Variants in RGSL1 observed in about 807,000 individuals in gnomAD.
RGSL1 encodes the protein regulator of G protein signaling like 1.
In RGSL1, 97 loss-of-function variants were observed where a neutral mutation model predicts 124.7. The observed-to-expected ratio is 0.78, with a 90% CI of 0.66 to 0.92. The LOEUF is 0.92. Among genes scored for constraint, RGSL1 ranks in the 40% least tolerant of loss-of-function variants. RGSL1 has a pLI of 0.00. For missense variants in RGSL1, 1,233 were observed against 1,288.4 expected (o/e 0.96, Z 0.66); for synonymous variants, 424 against 438.1 (o/e 0.97, Z 0.40).
At chr1:182,454,772 C>T (rs1374271194) in intron 2 of RGSL1, among the ~76,000 whole-genome samples, 2 of 152,170 alleles carry the variant, frequency 1.3e-5, no homozygotes, top group East Asian at 3.8e-4. Flanking sequence ...ATCTATGCAA[C>T]TAAAACAAAC....
At chr1:182,516,084 C>A (rs976883624) in intron 9 of RGSL1, among the ~76,000 whole-genome samples, 1 of 152,186 alleles carries the variant, frequency 6.6e-6, no homozygotes. Flanking sequence ...CTTCCAGCAA[C>A]AAATAATGCC....
intron 6 of RGSL1, among the ~76,000 whole-genome samples, chr1:182,474,974 T>A (rs1015176307): frequency 6.6e-6 from 1 of 152,150 alleles, no homozygotes; most frequent in African/African-American, 2.4e-5. Context: ...GAAAAAACTG[T>A]CATCCACAAA....
Position 182,554,656 on chromosome 1 carries a change from C to T in RGSL1, c.3160C>T (p.Leu1054Phe). 6.4e-7 allele frequency: 1 copy of T among 1,551,732 alleles called. No individual in the cohort carries two copies. The highest frequency in any genetic ancestry group is 8.7e-7 in the Non-Finnish European group (1 of 1,147,012). ...ATCAAGCAAACTTACTCAGCCAAGA[C>T]TCGTGGTATCTGCCATGCAGCTGCA... Reference protein sequence around the residue: ...SSSSKLTQPRLVVSAMQLHPV... With the variant: ...SSSSKLTQPRFVVSAMQLHPV... The change falls in exon 20 of 22, where the codon CTC becomes TTC. Residue 1054 changes from leucine (L) to phenylalanine (F), a missense_variant. Physicochemically the swap from Leu to Phe is conservative, Grantham distance 22. Coordinates refer to ENST00000294854, the MANE Select transcript of RGSL1 (RefSeq NM_001137669.2).
rs1174622432 is a variant in RGSL1, at chr1:182,493,089, T to C, written c.1785T>C (p.Ser595=). Residue 595 remains serine, a synonymous_variant, in exon 9 of 22, where the codon AGT becomes AGC. Transcript: ENST00000294854. The part of the protein sequence containing the change: ...KNPKMAIQKI[S]DDYKIYCEKA... The stretch of plus-strand genomic sequence containing the variant: ...CAAAGATGGCCATACAGAAGATCAG[T>C]GATGACTACAAAATATACTGTGAGA... The C allele has an allele frequency of 6.4e-7, 1 of 1,551,686 alleles. No homozygotes were observed. The highest frequency in any genetic ancestry group is 2.4e-5 in the East Asian group (1 of 40,906).
Position 182,554,627 on chromosome 1 carries a change from C to T in RGSL1, c.3131C>T (p.Ser1044Phe), listed in dbSNP as rs369986568. ...QREAISSVQN[S>F]SSSKLTQPRL... Reference sequence around the variant, plus strand: ...AATTTTTCTCTGTATTTCTCTTTAGCTTCATCAAGCAAACTTACTCAGCCA... The same window carrying T: ...AATTTTTCTCTGTATTTCTCTTTAGTTTCATCAAGCAAACTTACTCAGCCA... Residue 1044 changes from serine to phenylalanine, a missense_variant and splice_region_variant, in exon 20 of 22, where the codon TCT (serine) becomes TTT (phenylalanine). Coordinates refer to ENST00000294854, the MANE Select transcript of RGSL1 (RefSeq NM_001137669.2). 36 of 1,551,536 alleles carry T rather than the reference C, an allele frequency of 2.3e-5. 1 individual carries two copies. In the East Asian group the frequency reaches 3.2e-4, roughly 14 times the overall value.
intron 17 of RGSL1, chr1:182,549,929 G>A (rs1398889147): frequency 6.6e-6 from 1 of 152,144 alleles, no homozygotes; most frequent in Non-Finnish European, 1.5e-5. Context: ...GAGGGATTGG[G>A]AACCTCTGGG....
intron 10 of RGSL1, among the ~76,000 whole-genome samples, chr1:182,522,382 G>GAGTGTAGTATAACTTC (rs1199477631): frequency 1.3e-5 from 2 of 152,156 alleles, no homozygotes; most frequent in African/African-American, 4.8e-5. Flanking sequence ...CTCCTTCCAT[G>GAGTGTAGTATAACTTC]AGTGTAGTAT....
chr1:182,550,298 G>A (rs566672504), intron 17 of RGSL1: 5 of 152,224 alleles, frequency 3.3e-5, no homozygotes, highest in African/African-American at 1.2e-4. Context: ...TAATGCATGT[G>A]CGGCATACTG....
At chr1:182,547,223 G>A (rs1209753521) in intron 15 of RGSL1, among the ~76,000 whole-genome samples, 3 of 152,212 alleles carry the variant, frequency 2.0e-5, no homozygotes, top group Non-Finnish European at 4.4e-5. Context: ...AAGTTAGGAA[G>A]TGTCTCAGGA....
intron 9 of RGSL1, among the ~76,000 whole-genome samples, chr1:182,493,935 G>A (rs1174228920): frequency 6.6e-6 from 1 of 152,186 alleles, no homozygotes; most frequent in Non-Finnish European, 1.5e-5. Flanking sequence ...TTCTTGTCCT[G>A]GGAAACGTAT....
At chr1:182,552,687 A>G (rs1258079942) in intron 18 of RGSL1, among the ~76,000 whole-genome samples, 3 of 152,210 alleles carry the variant, frequency 2.0e-5, no homozygotes, top group Non-Finnish European at 4.4e-5. Context: ...AAAGGAATGT[A>G]TTTGGCTCAT....
intron 4 of RGSL1, among the ~76,000 whole-genome samples, chr1:182,469,162 T>C (rs1347398875): frequency 4.6e-5 from 7 of 151,968 alleles, no homozygotes; most frequent in Non-Finnish European, 1.0e-4. Context: ...CAACAAAGAA[T>C]TGGGCTTCAT....
intron 9 of RGSL1, among the ~76,000 whole-genome samples, chr1:182,493,434 GT>G (rs1212666629): frequency 6.6e-6 from 1 of 152,162 alleles, no homozygotes; most frequent in Non-Finnish European, 1.5e-5. Flanking sequence ...CTTCTGTCAA[GT>G]TACCTGGAGG....
At chr1:182,457,148 A>AAAC (rs112789651) in intron 2 of RGSL1, among the ~76,000 whole-genome samples, 17 of 151,568 alleles carry the variant, frequency 1.1e-4, no homozygotes, top group African/African-American at 3.9e-4. Context: ...CTCCATCTCA[A>AAAC]AAACAAACAA....
At chr1:182,533,579 T>C (rs2102278383) in intron 14 of RGSL1, among the ~76,000 whole-genome samples, 1 of 152,306 alleles carries the variant, frequency 6.6e-6, no homozygotes, top group Middle Eastern at 3.4e-3. Flanking sequence ...GCCACAGATG[T>C]TGGAGCCGGA....
At chr1:182,499,235 G>C (rs1656171151) in intron 9 of RGSL1, among the ~76,000 whole-genome samples, 1 of 152,142 alleles carries the variant, frequency 6.6e-6, no homozygotes, top group East Asian at 1.9e-4. Context: ...ACCTTTGTTA[G>C]TTTTCTGCCT....
intron 1 of RGSL1, 133 bp downstream of exon 1, chr1:182,450,311 G>A (rs1474131772): frequency 1.0e-6 from 1 of 970,026 alleles, no homozygotes; most frequent in Non-Finnish European, 1.6e-6. Flanking sequence ...TCATGCCTTT[G>A]TTTTCCTTCT....
intron 10 of RGSL1, among the ~76,000 whole-genome samples, chr1:182,526,127 G>A (rs2477057): frequency 0.86 from 131,558 of 152,202 alleles, 57,183 homozygotes; most frequent in Non-Finnish European, 0.89. Context: ...TCAGGCACAG[G>A]CAGCTTCACT....
At chr1:182,516,764 T>A (rs1657927889) in intron 9 of RGSL1, among the ~76,000 whole-genome samples, 1 of 152,212 alleles carries the variant, frequency 6.6e-6, no homozygotes. Context: ...TCCCACAGTT[T>A]GACTTCAGTT....
Sources: gnomAD v4.1 joint callset for allele counts (sites outside exome capture counted in the v4.1 genomes callset) on GRCh38, gnomAD v4.1.1 for gene constraint, MANE v1.5 for transcripts, NCBI Gene and HGNC (gene_info 2026-07-23, HGNC 2026-07-21) for gene names.